The following CCDC141 variants were observed in gnomAD, a reference collection of about 807,000 sequenced individuals.
CCDC141 encodes the protein coiled-coil domain-containing protein 141.
In CCDC141, 168 loss-of-function variants were observed where a neutral mutation model predicts 181.0. The ratio of observed to expected loss-of-function variants is 0.93; its 90% CI spans 0.82 to 1.05. CCDC141 has a LOEUF of 1.05. Among genes scored for constraint, CCDC141 ranks in the 50% least tolerant of loss-of-function variants. The pLI is 0.00. For missense variants in CCDC141, 1,902 were observed against 1,788.5 expected, an observed-to-expected ratio of 1.06 and a Z score of -1.14; for synonymous variants, 666 against 642.3, an observed-to-expected ratio of 1.04 and a Z score of -0.56.
At chr2:179,015,093 T>TATATATA (rs1559048645) in intron 2 of CCDC141, among the ~76,000 whole-genome samples, 1 of 41,994 alleles carries the variant, frequency 2.4e-5, no homozygotes, top group Non-Finnish European at 5.4e-5. Context: ...TATATATATA[T>TATATATA]ATATATATAT....
chr2:178,999,869 C>T (rs1175800629), intron 2 of CCDC141, among the ~76,000 whole-genome samples: 4 of 152,126 alleles, frequency 2.6e-5, no homozygotes, highest in Non-Finnish European at 1.5e-5. Flanking sequence ...TCCCCTCTTA[C>T]TTGGGGCAAG....
At chr2:178,837,765 A>G (rs776035133) in intron 22 of CCDC141, 21 bp from the exon 23 acceptor site, 15 of 1,576,848 alleles carry the variant, frequency 9.5e-6, no homozygotes, top group Non-Finnish European at 1.3e-5. Flanking sequence ...GAAAAGCCAA[A>G]TCATCCTTAT....
intron 17 of CCDC141, 50 bp downstream of exon 17, chr2:178,865,717 T>A: frequency 7.1e-7 from 1 of 1,408,612 alleles, no homozygotes; most frequent in Non-Finnish European, 9.3e-7. Context: ...ATGCTTTAGG[T>A]TCAAACAGCT....
intron 2 of CCDC141, among the ~76,000 whole-genome samples, chr2:178,981,193 G>A (rs920916655): frequency 3.3e-5 from 5 of 152,050 alleles, no homozygotes; most frequent in Admixed American, 6.6e-5. Context: ...ATATCCAGCA[G>A]GCCGAAAATT....
At chr2:178,962,528 A>G (rs1009251062) in intron 4 of CCDC141, among the ~76,000 whole-genome samples, 6 of 152,108 alleles carry the variant, frequency 3.9e-5, no homozygotes, top group African/African-American at 9.7e-5. Context: ...CAATCCATCT[A>G]TCAATGCACC....
chr2:179,045,684 A>G (rs2043474130), intron 2 of CCDC141, among the ~76,000 whole-genome samples: 1 of 151,808 alleles, frequency 6.6e-6, no homozygotes, highest in African/African-American at 2.4e-5. Context: ...TTGTTTCCTG[A>G]CTTTTTAATG....
In CCDC141 at chr2:179,034,393, A is replaced by G. The variant is rs541897089; in HGVS notation, c.225+12891T>C. 1.4e-4 allele frequency among the ~76,000 whole-genome samples: 22 copies of G among 152,270 alleles called. 1 individual carries two copies. The highest frequency in any genetic ancestry group is 4.1e-4 in the African/African-American group (17 of 41,576). On this transcript the variant is annotated intron_variant, in intron 2 of 23. Coordinates refer to ENST00000443758, the MANE Select transcript of CCDC141 (RefSeq NM_173648.4). ...GAGAGGATCAGGAAAAACAACTAGT[A>G]GGGTGCTAGGCTGAATACTTGGATG...
At chr2:178,857,757 A>G (rs1685448432) in intron 17 of CCDC141, among the ~76,000 whole-genome samples, 1 of 152,208 alleles carries the variant, frequency 6.6e-6, no homozygotes, top group African/African-American at 2.4e-5. Flanking sequence ...GAGCTAAGAT[A>G]AGAGAAGTCA....
intron 4 of CCDC141, among the ~76,000 whole-genome samples, chr2:178,971,378 C>G (rs1187816930): frequency 6.6e-6 from 1 of 152,198 alleles, no homozygotes; most frequent in Non-Finnish European, 1.5e-5. Flanking sequence ...GAGATACCAT[C>G]TCACACCAGT....
Position 178,885,360 on chromosome 2 carries a change from T to C in CCDC141, c.1528-268A>G, listed in dbSNP as rs2130221. The stretch of plus-strand genomic sequence containing the variant: ...TGTGTCACAAATAAAAGAAAGGTTG[T>C]TTGGTATGAAAGGTTAGAAATGTTT... On this transcript the variant is annotated intron_variant, in intron 10 of 23. Coordinates refer to ENST00000443758, the MANE Select transcript of CCDC141 (RefSeq NM_173648.4). 0.2 allele frequency among the ~76,000 whole-genome samples: 30,852 copies of C among 152,138 alleles called. 3,840 individuals carry two copies. The highest frequency in any genetic ancestry group is 0.33 in the African/African-American group (13,894 of 41,478).
chr2:179,026,543 T>C (rs2042850588), intron 2 of CCDC141, among the ~76,000 whole-genome samples: 1 of 152,210 alleles, frequency 6.6e-6, no homozygotes, highest in Non-Finnish European at 1.5e-5. Flanking sequence ...AGGGCTCTCA[T>C]AGAGAACTTC....
At chr2:179,023,161 A>T (rs1163816055) in intron 2 of CCDC141, among the ~76,000 whole-genome samples, 1 of 152,202 alleles carries the variant, frequency 6.6e-6, no homozygotes, top group African/African-American at 2.4e-5. Flanking sequence ...AGTTTCTTCA[A>T]TTGTAAAATG....
intron 17 of CCDC141, among the ~76,000 whole-genome samples, chr2:178,858,540 G>A (rs1322443047): frequency 6.6e-6 from 1 of 152,064 alleles, no homozygotes; most frequent in East Asian, 1.9e-4. Flanking sequence ...TGATAAAAAA[G>A]TTCTGCAGAT....
chr2:179,007,759 T>C (rs1189308826), intron 2 of CCDC141, among the ~76,000 whole-genome samples: 1 of 152,234 alleles, frequency 6.6e-6, no homozygotes, highest in Non-Finnish European at 1.5e-5. Context: ...TTAAATGTTT[T>C]AAAACATTTC....
intron 2 of CCDC141, among the ~76,000 whole-genome samples, chr2:178,992,656 T>C (rs148662275): frequency 1.4e-4 from 21 of 152,304 alleles, no homozygotes; most frequent in African/African-American, 5.1e-4. Flanking sequence ...TATTAAGAAC[T>C]AATGAGTGAG....
At chr2:178,909,073 T>C (rs1688108145) in intron 7 of CCDC141, among the ~76,000 whole-genome samples, 3 of 152,208 alleles carry the variant, frequency 2.0e-5, no homozygotes, top group Admixed American at 2.0e-4. Context: ...GGCATTGGTC[T>C]CATCTTTATT....
intron 7 of CCDC141, among the ~76,000 whole-genome samples, chr2:178,914,266 C>T (rs1688345504): frequency 6.6e-6 from 1 of 152,186 alleles, no homozygotes; most frequent in Admixed American, 6.5e-5. Context: ...ATGTCGACAA[C>T]TGACACTTAC....
chr2:178,964,514 A>G (rs1019286377), intron 4 of CCDC141, among the ~76,000 whole-genome samples: 8 of 152,166 alleles, frequency 5.3e-5, no homozygotes, highest in African/African-American at 1.9e-4. Context: ...TGCCAAAATA[A>G]CATAACAACT....
rs184866176 is a variant in CCDC141 at position 178,850,221 on chromosome 2, C to A, written c.3245-60G>T. ...TCAAATTTTTAGCAAGAAGAAAAGT[C>A]CAGGTATAAATTCATCTCCCTGTCC... is the stretch of plus-strand genomic sequence containing the variant. On this transcript the variant is annotated intron_variant, in intron 20 of 23. Coordinates refer to ENST00000443758, the MANE Select transcript of CCDC141 (RefSeq NM_173648.4). 1.8e-4 allele frequency: 153 copies of A among 858,978 alleles called. 1 individual carries two copies. The African/African-American group carries it at 2.3e-3, about 13-fold the overall frequency. 53.2% of individuals were successfully genotyped at this position (858,978 alleles called of 1,614,324 possible).
Sources: gnomAD v4.1 joint callset for allele counts (sites outside exome capture counted in the v4.1 genomes callset) on GRCh38, gnomAD v4.1.1 for gene constraint, MANE v1.5 for transcripts, NCBI Gene and HGNC (gene_info 2026-07-23, HGNC 2026-07-21) for gene names.